Variants in TMEM132D observed in about 807,000 individuals in gnomAD.
The protein encoded by TMEM132D is transmembrane protein 132D, also known as mature OL transmembrane protein.
Under a neutral mutation model 62.3 loss-of-function variants are expected in TMEM132D, and 21 were observed. The ratio of observed to expected loss-of-function variants is 0.34; its 90% CI spans 0.24 to 0.49. TMEM132D has a LOEUF of 0.49. TMEM132D is among the 20% of genes least tolerant of loss of function. TMEM132D has a pLI of 0.99. For missense variants in TMEM132D, 1,346 were observed against 1,402.8 expected (o/e 0.96, Z 0.65); for synonymous variants, 621 against 575.6 (o/e 1.08, Z -1.13).
intron 6 of TMEM132D, among the ~76,000 whole-genome samples, chr12:129,082,919 G>C (rs1381517823): frequency 6.6e-6 from 1 of 151,842 alleles, no homozygotes; most frequent in Non-Finnish European, 1.5e-5. Flanking sequence ...ATGTAGAGAT[G>C]TGGTCTTGCT....
rs538911800 is a variant in TMEM132D at position 129,120,051 on chromosome 12, T to G, written c.1444-35349A>C. ...GAGAAATAATAAAAAAAAGACACTA[T>G]GGCTGGAGCCAAAGTGAAAGAGAGA... On this transcript the variant is annotated intron_variant, in intron 5 of 8. Transcript: ENST00000422113. 5.5e-4 allele frequency among the ~76,000 whole-genome samples: 84 copies of G among 152,202 alleles called. No individual in the cohort carries two copies. The South Asian group carries it at 0.017, about 31-fold the overall frequency.
chr12:129,768,410 A>G (rs757986548), intron 1 of TMEM132D, among the ~76,000 whole-genome samples: 1 of 151,964 alleles, frequency 6.6e-6, no homozygotes, highest in Non-Finnish European at 1.5e-5. Flanking sequence ...GTAAGGTGAC[A>G]GTTATCTCAT....
At chr12:129,153,201 T>C (rs1248137465) in intron 5 of TMEM132D, among the ~76,000 whole-genome samples, 1 of 151,870 alleles carries the variant, frequency 6.6e-6, no homozygotes. Context: ...CACACACCTA[T>C]TTTGTGTGCA....
At chr12:129,601,159 T>C (rs936435359) in intron 2 of TMEM132D, among the ~76,000 whole-genome samples, 13 of 152,232 alleles carry the variant, frequency 8.5e-5, no homozygotes, top group Non-Finnish European at 1.9e-4. Context: ...CTACTTTGCC[T>C]TGCACTTTTA....
intron 3 of TMEM132D, among the ~76,000 whole-genome samples, chr12:129,341,341 G>A (rs1410222699): frequency 6.6e-6 from 1 of 152,182 alleles, no homozygotes; most frequent in Non-Finnish European, 1.5e-5. Context: ...TTAAAGAGAA[G>A]TTTATAAAAC....
intron 5 of TMEM132D, among the ~76,000 whole-genome samples, chr12:129,181,520 T>C (rs1593287791): frequency 2.0e-5 from 3 of 152,292 alleles, no homozygotes; most frequent in Admixed American, 2.0e-4. Context: ...CCTCCTAGGA[T>C]AAAATCCCAA....
intron 3 of TMEM132D, among the ~76,000 whole-genome samples, chr12:129,465,736 G>T (rs146920772): frequency 8.5e-4 from 130 of 152,326 alleles, no homozygotes; most frequent in African/African-American, 2.9e-3. Flanking sequence ...AGGCTGGAGT[G>T]CAGTGGAGCT....
At chr12:129,273,938 A>T (rs2135602816) in intron 4 of TMEM132D, among the ~76,000 whole-genome samples, 1 of 151,862 alleles carries the variant, frequency 6.6e-6, no homozygotes, top group South Asian at 2.1e-4. Context: ...GAGTGTTTGC[A>T]TCTGATTTCT....
chr12:129,100,453 G>A (rs1875264268), intron 5 of TMEM132D, among the ~76,000 whole-genome samples: 1 of 152,220 alleles, frequency 6.6e-6, no homozygotes, highest in Admixed American at 6.5e-5. Flanking sequence ...ATGGTGATCT[G>A]AGGTCAGTTC....
intron 3 of TMEM132D, among the ~76,000 whole-genome samples, chr12:129,343,761 C>CAAAAAAAACAAAAAAAAAA (rs1869590257): frequency 7.5e-6 from 1 of 133,226 alleles, no homozygotes; most frequent in Non-Finnish European, 1.6e-5. Context: ...ACAAAAAAAA[C>CAAAAAAAACAAAAAAAAAA]AAAAAAAAAC....
rs576341748 is a variant in TMEM132D at position 129,142,712 on chromosome 12, C to T, written c.1444-58010G>A. Among the ~76,000 whole-genome samples the T allele has an allele frequency of 9.9e-5, 15 of 152,238 alleles. No homozygotes were observed. The South Asian group carries it at 1.7e-3, about 17-fold the overall frequency. On this transcript the variant is annotated intron_variant, in intron 5 of 8. Transcript: ENST00000422113. ...GGACAAGAGACAAAATACAGGTAGT[C>T]GTGGGGACTGCTTTTCAAAACCAAT...
At chr12:129,420,650 T>A (rs1460233996) in intron 3 of TMEM132D, among the ~76,000 whole-genome samples, 1 of 152,160 alleles carries the variant, frequency 6.6e-6, no homozygotes, top group Admixed American at 6.5e-5. Context: ...CTGCCAAGGA[T>A]GTGTGGAGCC....
chr12:129,229,445 C>T (rs180979303), intron 4 of TMEM132D, among the ~76,000 whole-genome samples: 2 of 152,104 alleles, frequency 1.3e-5, no homozygotes, highest in African/African-American at 4.8e-5. Flanking sequence ...TGATAGAGTC[C>T]TCTTGATAGC....
intron 3 of TMEM132D, among the ~76,000 whole-genome samples, chr12:129,491,941 C>CAA (rs10673817): frequency 0.26 from 39,191 of 149,108 alleles, 6,081 homozygotes; most frequent in African/African-American, 0.45. Context: ...GATTCTGTCT[C>CAA]AAAAAAAAAA....
At chr12:129,327,628 A>G (rs1018448579) in intron 4 of TMEM132D, among the ~76,000 whole-genome samples, 2 of 152,146 alleles carry the variant, frequency 1.3e-5, no homozygotes, top group Non-Finnish European at 2.9e-5. Context: ...TCCAGTCTAT[A>G]AGCAAGTGCT....
At chr12:129,075,928 TC>T (rs1180669109) in intron 8 of TMEM132D, among the ~76,000 whole-genome samples, 1 of 143,524 alleles carries the variant, frequency 7.0e-6, no homozygotes, top group Non-Finnish European at 1.5e-5. Context: ...CCTCCCTCCC[TC>T]CCTCCCTCTC....
chr12:129,189,571 G>A (rs1878325673), intron 5 of TMEM132D, among the ~76,000 whole-genome samples: 1 of 152,130 alleles, frequency 6.6e-6, no homozygotes, highest in South Asian at 2.1e-4. Context: ...ATCTGACCCA[G>A]GGTGCGTGAG....
intron 1 of TMEM132D, among the ~76,000 whole-genome samples, chr12:129,767,123 T>C (rs571948182): frequency 6.6e-6 from 1 of 152,308 alleles, no homozygotes; most frequent in South Asian, 2.1e-4. Context: ...CCACCTTGAA[T>C]TACTTTCCAG....
At position 129,613,910 on chromosome 12, in the gene TMEM132D, C is replaced by T. The variant is rs1481656159; in HGVS notation, c.969-82705G>A. ...TCTGCAGAACCCAGGAGACTGGCTC[C>T]AGAACCCAGAGTACTGTCTGCAGAA... On this transcript the variant is annotated intron_variant, in intron 2 of 8. Transcript: ENST00000422113. Among the ~76,000 whole-genome samples the T allele has an allele frequency of 2.6e-5, 4 of 152,046 alleles. No homozygotes were observed. The South Asian group carries it at 8.3e-4, about 32-fold the overall frequency.
Sources: allele counts gnomAD v4.1 joint callset (sites outside exome capture counted in the v4.1 genomes callset), GRCh38; gene constraint gnomAD v4.1.1; transcripts MANE v1.5; gene names NCBI Gene and HGNC (gene_info 2026-07-23, HGNC 2026-07-21).